The following JAK3 variants were observed in gnomAD, a reference collection of about 807,000 sequenced individuals.
JAK3 encodes the protein Janus kinase 3, also known as tyrosine-protein kinase JAK3.
JAK3 carries 88 observed loss-of-function variants against 120.8 expected under a neutral mutation model. The observed-to-expected ratio is 0.73, with a 90% CI of 0.61 to 0.87. The LOEUF (loss-of-function observed/expected upper bound fraction) is 0.87, where lower values mean the gene tolerates loss of function less well. JAK3 is among the 40% of genes least tolerant of loss of function. JAK3 has a pLI of 0.00. For synonymous variants in JAK3, 592 were observed against 628.6 expected (o/e 0.94, Z 0.87); for missense variants, 1,254 against 1,501.4 (o/e 0.84, Z 2.72).
In JAK3 at chr19:17,838,342, G is replaced by A. The variant is rs2094229478; in HGVS notation, c.1490C>T (p.Ser497Leu). The A allele has an allele frequency of 6.2e-7, 1 of 1,614,002 alleles. No homozygotes were observed. The highest frequency in any genetic ancestry group is 1.3e-5 in the African/African-American group (1 of 74,924). Residue 497 changes from serine to leucine, a missense_variant, in exon 11 of 24, where the codon TCA becomes TTA. This residue lies in a region of JAK3 where 486 missense variants were observed against 503.0 expected (regional missense o/e 0.97). Coordinates refer to ENST00000458235, the MANE Select transcript of JAK3 (RefSeq NM_000215.4). The stretch of plus-strand genomic sequence containing the variant: ...TTGGGATTGGGGCTGAACCAAGGAT[G>A]ATGTGGGTGGGCTGTGACCTCTCTG... ...VVQRGHSPPT[S>L]SLVQPQSQYQ...
chr19:17,836,844 C>G (rs965612976), intron 13 of JAK3: 16 of 519,726 alleles, frequency 3.1e-5, no homozygotes, highest in Admixed American at 3.1e-4. Context: ...ACCAATGAAA[C>G]CAAGGCTCAG....
chr19:17,843,007 C>G lies in JAK3; in HGVS notation c.566+20G>C. ...CTCACTCCCAAGCAGAGGCCGTCCC[C>G]ACAGCCTGGTGGCTCTCACCTGACA... On this transcript the variant is annotated intron_variant, in intron 5 of 23. Transcript: ENST00000458235. This position sits in a 1 kb window ranked among gnomAD's most constrained non-coding sequence, Gnocchi z 5.4. 6.2e-7 allele frequency: 1 copy of G among 1,609,104 alleles called. No homozygotes were observed. The highest frequency in any genetic ancestry group is 8.5e-7 in the Non-Finnish European group (1 of 1,179,646).
At position 17,835,916 on chromosome 19, in the gene JAK3, G is replaced by GCACT; in HGVS notation, c.1914+4_1914+7dup. On this transcript the variant is annotated splice_region_variant and intron_variant, in intron 14 of 23. Transcript: ENST00000458235. ...AATGGAGGGTGGAGCAGGCAGAGGA[G>GCACT]CACTCACCAGATAGTTGAGGGCGTA... The GCACT allele has an allele frequency of 6.2e-7, 1 of 1,613,618 alleles. No homozygotes were observed. The highest frequency in any genetic ancestry group is 8.5e-7 in the Non-Finnish European group (1 of 1,180,022).
At chr19:17,835,484 G>A (rs940143552) in intron 14 of JAK3, among the ~76,000 whole-genome samples, 1 of 152,052 alleles carries the variant, frequency 6.6e-6, no homozygotes, top group Non-Finnish European at 1.5e-5. Context: ...GGCATTCAAG[G>A]CCCTTGCTCA....
chr19:17,833,169 G>T (rs1416638777), intron 17 of JAK3, among the ~76,000 whole-genome samples: 1 of 152,248 alleles, frequency 6.6e-6, no homozygotes. Context: ...CTACAAAGAT[G>T]GAGGACATAA....
At chr19:17,845,546 C>T (rs1171555343) in intron 1 of JAK3, among the ~76,000 whole-genome samples, 1 of 152,094 alleles carries the variant, frequency 6.6e-6, no homozygotes, top group Non-Finnish European at 1.5e-5. Context: ...CTTTGACAGG[C>T]CGAGGCAGGT....
At chr19:17,837,880 C>T in intron 12 of JAK3, 52 bp downstream of exon 12, 1 of 1,612,454 alleles carries the variant, frequency 6.2e-7, no homozygotes, top group South Asian at 1.1e-5. Context: ...GCATCCACGA[C>T]CCCCTCTCCA....
In JAK3 at chr19:17,831,192, G is replaced by A. The variant is rs745458301; in HGVS notation, c.2978+36C>T. 4 of 1,599,872 alleles carry A rather than the reference G, an allele frequency of 2.5e-6. No individual in the cohort carries two copies. Among genetic ancestry groups the A allele is most frequent in the African/African-American group, 2.7e-5 (2 of 74,566 alleles). ...GGCTGGGGGCGGAGCCAGAGCCGTG[G>A]GGAATAGGGGCGGAGCCTAGGCGCG... On this transcript the variant is annotated intron_variant, in intron 21 of 23. Transcript: ENST00000458235. This position sits in a 1 kb window ranked among gnomAD's most constrained non-coding sequence, Gnocchi z 5.1.
In JAK3 at chr19:17,834,893, T is replaced by A. The variant is rs905946477; in HGVS notation, c.2158A>T (p.Ser720Cys). ...GCACTGATGGGCATGGTGACGCCAC[T>A]AAACACTTCCCAGACCGTGGCGCCG... ...GFGATVWEVF[S>C]GVTMPISALD... Residue 720 changes from serine to cysteine, a missense_variant, in exon 16 of 24, where the codon AGT (serine) becomes TGT (cysteine). Around this residue, in one of 3 missense-constraint regions of JAK3, gnomAD observed 630 missense variants for 819.8 expected, o/e 0.77. Transcript: ENST00000458235. 3 of 1,614,120 alleles carry A rather than the reference T, an allele frequency of 1.9e-6. No homozygotes were observed. The Admixed American group carries it at 5.0e-5, about 27-fold the overall frequency.
chr19:17,847,670 C>T (rs1229524819), intron 1 of JAK3, among the ~76,000 whole-genome samples: 1 of 152,166 alleles, frequency 6.6e-6, no homozygotes, highest in African/African-American at 2.4e-5. Flanking sequence ...CCCTCCTCCC[C>T]ACCCCCAACC....
Position 17,826,918 on chromosome 19 carries a change from G to T in JAK3, c.3208-8C>A. The stretch of plus-strand genomic sequence containing the variant: ...CTTCATGAGCTCGTGAACCTGAGGG[G>T]CGGGGGACAGATAATGGGGTCGTGC... On this transcript the variant is annotated splice_region_variant and splice_polypyrimidine_tract_variant and intron_variant, in intron 23 of 23. Transcript: ENST00000458235. 6 of 1,606,326 alleles carry T rather than the reference G, an allele frequency of 3.7e-6. No homozygotes were observed. Among genetic ancestry groups the T allele is most frequent in the Non-Finnish European group, 4.2e-6 (5 of 1,179,068 alleles).
At chr19:17,827,682 C>G (rs1169744675) in intron 23 of JAK3, among the ~76,000 whole-genome samples, 3 of 130,856 alleles carry the variant, frequency 2.3e-5, no homozygotes. Flanking sequence ...CCTTTCGAGA[C>G]TACCCTGACC....
chr19:17,839,567 G>A lies in JAK3; in HGVS notation c.1351C>T (p.Arg451Ter), dbSNP rs267605358. 27 of 1,610,094 alleles carry A rather than the reference G, an allele frequency of 1.7e-5. No homozygotes were observed. The highest frequency in any genetic ancestry group is 2.2e-5 in the East Asian group (1 of 44,782). Reference sequence around the variant, plus strand: ...TCCCAGCAGGTTGCCAGGAGCTCTCGAAGACTGCTGTGGGGTCGGCTGAGG... The same window carrying A: ...TCCCAGCAGGTTGCCAGGAGCTCTCAAAGACTGCTGTGGGGTCGGCTGAGG... ...VGLSRPHSSL[R>*]ELLATCWDGG... The change falls in exon 10 of 24, where the codon CGA becomes TGA. Residue 451 changes from arginine (R) to a stop codon, truncating the protein, a stop_gained. Coordinates refer to ENST00000458235, the MANE Select transcript of JAK3 (RefSeq NM_000215.4). LOFTEE classifies it high-confidence loss of function.
At chr19:17,847,623 G>A (rs1375227825) in intron 1 of JAK3, among the ~76,000 whole-genome samples, 1 of 152,114 alleles carries the variant, frequency 6.6e-6, no homozygotes, top group African/African-American at 2.4e-5. Context: ...GGAGGGTAGG[G>A]GCTGGGAACT....
rs2094239321 is a variant in JAK3, at chr19:17,841,680, T to A, written c.944A>T (p.His315Leu). 6.2e-7 allele frequency: 1 copy of A among 1,613,852 alleles called. No individual in the cohort carries two copies. The highest frequency in any genetic ancestry group is 1.1e-5 in the South Asian group (1 of 91,082). The change falls in exon 7 of 24, where the codon CAC becomes CTC. Residue 315 changes from histidine (H) to leucine (L), a missense_variant. His to Leu is a moderately conservative substitution (Grantham distance 99, BLOSUM62 -3). Transcript: ENST00000458235. This position sits in a 1 kb window ranked among gnomAD's most constrained non-coding sequence, Gnocchi z 4.1. Reference sequence around the variant, plus strand: ...TGTCCTGGTAACAGTGACCAGGCGGTGCTCTCCGGCCGGGCCAACGCGCGG... The same window carrying A: ...TGTCCTGGTAACAGTGACCAGGCGGAGCTCTCCGGCCGGGCCAACGCGCGG... ...QAPRVGPAGEHRLVTVTRTDN... is the reference protein window; with the variant it reads ...QAPRVGPAGELRLVTVTRTDN...
rs1206290442 is a variant in JAK3, at chr19:17,844,634, A to G, written c.-13-204T>C. Among the ~76,000 whole-genome samples, 3 of 151,900 alleles carry G rather than the reference A, an allele frequency of 2.0e-5. No individual in the cohort carries two copies. The East Asian group carries it at 5.8e-4, about 29-fold the overall frequency. ...GCCAACATGGCGAAACCCTGCCTCT[A>G]AAAAGTGCAAAACTTAGCCGGGTGT... is the stretch of plus-strand genomic sequence containing the variant. On this transcript the variant is annotated intron_variant, in intron 1 of 23. Transcript: ENST00000458235.
rs2094221124 is a variant in JAK3, at chr19:17,834,877, G to T, written c.2174C>A (p.Pro725His). ...VWEVFSGVTMPISALDPAKKL... is the reference protein window; with the variant it reads ...VWEVFSGVTMHISALDPAKKL... ...CTTAGCAGGATCCAGGGCACTGATG[G>T]GCATGGTGACGCCACTAAACACTTC... The change falls in exon 16 of 24, where the codon CCC becomes CAC. Residue 725 changes from proline (P) to histidine (H), a missense_variant. By Grantham distance (77) the Pro-to-His change is moderately conservative (BLOSUM62 -2). Around this residue, in one of 3 missense-constraint regions of JAK3, gnomAD observed 630 missense variants for 819.8 expected, o/e 0.77. Coordinates refer to ENST00000458235, the MANE Select transcript of JAK3 (RefSeq NM_000215.4). 6.2e-7 allele frequency: 1 copy of T among 1,614,062 alleles called. No homozygotes were observed.
rs1360627275 is a variant in JAK3 at position 17,831,749 on chromosome 19, C to T, written c.2730G>A (p.Leu910=). ...LVMEYLPSGC[L]RDFLQRHRAR... The stretch of plus-strand genomic sequence containing the variant: ...CGCGGTGCCGCTGCAGGAAGTCGCG[C>T]AAGCAGCCGCTGGGCAGGTACTCCA... Residue 910 remains leucine (L), a synonymous_variant, in exon 20 of 24, where the codon TTG becomes TTA. Transcript: ENST00000458235. The surrounding 1 kb of genome is among the most constrained non-coding windows in gnomAD (Gnocchi z 5.1). 1.2e-6 allele frequency: 2 copies of T among 1,612,620 alleles called. No individual in the cohort carries two copies. Among genetic ancestry groups the T allele is most frequent in the South Asian group, 2.2e-5 (2 of 91,056 alleles).
At chr19:17,846,849 T>C (rs1362043765) in intron 1 of JAK3, among the ~76,000 whole-genome samples, 1 of 152,078 alleles carries the variant, frequency 6.6e-6, no homozygotes, top group African/African-American at 2.4e-5. Flanking sequence ...CCTCCCAAAG[T>C]GCTGTGATTA....
Sources: gnomAD v4.1 joint callset for allele counts (sites outside exome capture counted in the v4.1 genomes callset) on GRCh38, gnomAD v4.1.1 for gene constraint, gnomAD v4.1.1 regional missense constraint, Gnocchi (gnomAD v3.1) non-coding constraint, MANE v1.5 for transcripts, NCBI Gene and HGNC (gene_info 2026-07-23, HGNC 2026-07-21) for gene names.